Variants in MFAP3L observed in about 807,000 individuals in gnomAD.
MFAP3L encodes the protein microfibril associated protein 3 like.
In MFAP3L, 5 loss-of-function variants were observed where a neutral mutation model predicts 20.0. The observed-to-expected ratio is 0.25, with a 90% CI of 0.13 to 0.53. MFAP3L has a LOEUF of 0.53. Among genes scored for constraint, MFAP3L ranks in the 20% least tolerant of loss-of-function variants. The probability of loss-of-function intolerance (pLI) is 0.96; values close to 1 mark genes in which losing one functional copy is unlikely to be tolerated. For synonymous variants in MFAP3L, 219 were observed against 213.0 expected, an observed-to-expected ratio of 1.03 and a Z score of -0.25; for missense variants, 409 against 527.5, an observed-to-expected ratio of 0.78 and a Z score of 2.20.
At chr4:169,998,520 C>A (rs1359752823) in intron 2 of MFAP3L, among the ~76,000 whole-genome samples, 3 of 152,136 alleles carry the variant, frequency 2.0e-5, no homozygotes, top group Non-Finnish European at 2.9e-5. Flanking sequence ...TCTACTGAAA[C>A]CTTAAATCTT....
chr4:170,018,965 C>T (rs193049388), intron 1 of MFAP3L, among the ~76,000 whole-genome samples: 3 of 152,300 alleles, frequency 2.0e-5, no homozygotes, highest in East Asian at 1.9e-4. Context: ...GAAGCAAGAA[C>T]GCTCACTGGT....
chr4:170,007,144 ATTT>A (rs994851612), intron 1 of MFAP3L, among the ~76,000 whole-genome samples: 2 of 151,962 alleles, frequency 1.3e-5, no homozygotes, highest in African/African-American at 4.8e-5. Flanking sequence ...TTCAGATCAT[ATTT>A]TTTTTCAGTA....
chr4:170,002,932 T>C (rs1335440631), intron 2 of MFAP3L, among the ~76,000 whole-genome samples: 1 of 151,962 alleles, frequency 6.6e-6, no homozygotes, highest in Non-Finnish European at 1.5e-5. Context: ...TCTATGTCCA[T>C]ATTATAATAT....
At chr4:170,021,458 A>C (rs1202407263) in intron 1 of MFAP3L, among the ~76,000 whole-genome samples, 1 of 152,250 alleles carries the variant, frequency 6.6e-6, no homozygotes, top group African/African-American at 2.4e-5. Flanking sequence ...TAAAAATCTT[A>C]TCAAGTCATA....
chr4:170,004,612 C>T (rs148224561), intron 2 of MFAP3L, among the ~76,000 whole-genome samples: 6 of 152,248 alleles, frequency 3.9e-5, no homozygotes, highest in Admixed American at 3.3e-4. Context: ...AGGAGATATA[C>T]AGCATTAGCC....
In MFAP3L at chr4:169,991,921, C is replaced by T. The variant is rs1245896943; in HGVS notation, c.687G>A (p.Glu229=). 12 of 1,614,158 alleles carry T rather than the reference C, an allele frequency of 7.4e-6. No homozygotes were observed. The highest frequency in any genetic ancestry group is 1.1e-5 in the South Asian group (1 of 91,070). The stretch of plus-strand genomic sequence containing the variant: ...CAAGCTCTTCGATGTAGCGGGCGAA[C>T]TCCATGGTTTTGAACTGGGTGACTT... ...LAKVTQFKTM[E]FARYIEELAR... Residue 229 remains glutamate, a synonymous_variant, in exon 3 of 3, where the codon GAG becomes GAA. Transcript: ENST00000361618. This position sits in a 1 kb window ranked among gnomAD's most constrained non-coding sequence, Gnocchi z 4.9.
At chr4:170,025,936 G>T (rs1037718566) in intron 1 of MFAP3L, among the ~76,000 whole-genome samples, 9 of 152,154 alleles carry the variant, frequency 5.9e-5, no homozygotes, top group African/African-American at 2.2e-4. Context: ...GAGGCTCGCC[G>T]GCAGCTGGCA....
At chr4:170,013,707 T>C (rs1268116045) in intron 1 of MFAP3L, among the ~76,000 whole-genome samples, 1 of 152,246 alleles carries the variant, frequency 6.6e-6, no homozygotes, top group East Asian at 1.9e-4. Flanking sequence ...AAACATGCAG[T>C]GCAGGCTATT....
rs1382299129 is a variant in MFAP3L at position 169,990,783 on chromosome 4, C to T, written c.*595G>A. The T allele has an allele frequency of 6.6e-6, 1 of 152,566 alleles. No homozygotes were observed. Among genetic ancestry groups the T allele is most frequent in the Admixed American group, 6.5e-5 (1 of 15,284 alleles). The allele number at this position is 152,566 out of a possible 1,614,324, so 9.5% of individuals were successfully genotyped here. On this transcript the variant is annotated 3_prime_UTR_variant, in exon 3 of 3. Transcript: ENST00000361618. Reference sequence around the variant, plus strand: ...TTGGAACATGACAAATGTAATGTGACTTGTAGATATCAGCCCTGGTACTGG... The same window carrying T: ...TTGGAACATGACAAATGTAATGTGATTTGTAGATATCAGCCCTGGTACTGG...
chr4:169,987,147 AT>A lies in MFAP3L; in HGVS notation c.*4230del, dbSNP rs897996150. 2 of 152,112 alleles carry A rather than the reference AT, an allele frequency of 1.3e-5. No individual in the cohort carries two copies. The highest frequency in any genetic ancestry group is 4.8e-5 in the African/African-American group (2 of 41,442). 9.4% of individuals were successfully genotyped at this position (152,112 alleles called of 1,614,324 possible). Reference sequence around the variant, plus strand: ...ATATAATAAGCAATTGTTTTATTTGATTTTTCCCCCACAATTGATTTGTGTA... The same window carrying A: ...ATATAATAAGCAATTGTTTTATTTGATTTTCCCCCACAATTGATTTGTGTA... On this transcript the variant is annotated 3_prime_UTR_variant, in exon 3 of 3. Coordinates refer to ENST00000361618, the MANE Select transcript of MFAP3L (RefSeq NM_021647.8).
intron 1 of MFAP3L, among the ~76,000 whole-genome samples, chr4:170,024,687 A>T (rs1395649866): frequency 1.3e-5 from 2 of 152,212 alleles, no homozygotes; most frequent in Non-Finnish European, 2.9e-5. Flanking sequence ...AATGGTAATC[A>T]TGTTGTTGCT....
intron 2 of MFAP3L, among the ~76,000 whole-genome samples, chr4:169,995,329 C>G (rs1172155358): frequency 6.6e-6 from 1 of 152,202 alleles, no homozygotes; most frequent in Non-Finnish European, 1.5e-5. Context: ...TCCCCCACCC[C>G]CTTTTTTGTA....
rs1219784613 is a variant in MFAP3L at position 169,987,647 on chromosome 4, A to C, written c.*3731T>G. The C allele has an allele frequency of 6.6e-6, 1 of 152,170 alleles. No individual in the cohort carries two copies. The highest frequency in any genetic ancestry group is 2.4e-5 in the African/African-American group (1 of 41,432). The allele number at this position is 152,170 out of a possible 1,614,324, so 9.4% of individuals were successfully genotyped here. The stretch of plus-strand genomic sequence containing the variant: ...AATTGGTGTTTCTACAGTCAAGTTA[A>C]TTTGTGTTGGCTGCACGGGGCTTAG... On this transcript the variant is annotated 3_prime_UTR_variant, in exon 3 of 3. Coordinates refer to ENST00000361618, the MANE Select transcript of MFAP3L (RefSeq NM_021647.8).
chr4:170,011,412 C>T (rs1402254147), intron 1 of MFAP3L, among the ~76,000 whole-genome samples: 1 of 151,890 alleles, frequency 6.6e-6, no homozygotes, highest in Admixed American at 6.6e-5. Flanking sequence ...CCCTTTCTTG[C>T]CCTTTCTTGT....
chr4:169,998,653 T>C (rs913314422), intron 2 of MFAP3L, among the ~76,000 whole-genome samples: 6 of 152,222 alleles, frequency 3.9e-5, no homozygotes, highest in Non-Finnish European at 5.9e-5. Context: ...TTTTTATGAA[T>C]GCGTGTGTGT....
At chr4:170,004,984 A>T (rs1240567490) in intron 2 of MFAP3L, 1 of 152,560 alleles carries the variant, frequency 6.6e-6, no homozygotes, top group African/African-American at 2.4e-5. Context: ...GAGGTGACTC[A>T]CACTTTTTGG....
At chr4:170,012,947 A>G (rs1021046319) in intron 1 of MFAP3L, among the ~76,000 whole-genome samples, 6 of 152,084 alleles carry the variant, frequency 3.9e-5, no homozygotes, top group African/African-American at 1.4e-4. Flanking sequence ...ACAGAATTTT[A>G]TTTTATGCTG....
chr4:170,017,756 C>T (rs918576822), intron 1 of MFAP3L, among the ~76,000 whole-genome samples: 5 of 152,206 alleles, frequency 3.3e-5, no homozygotes, highest in Non-Finnish European at 7.3e-5. Flanking sequence ...AGTGTCACAA[C>T]ACGGCAAATT....
intron 2 of MFAP3L, chr4:170,003,801 T>C: frequency 2.0e-6 from 2 of 985,436 alleles, no homozygotes; most frequent in Non-Finnish European, 2.4e-6. Flanking sequence ...TGGCCTGCAG[T>C]GTCTTTGTTA....
Sources: gnomAD v4.1 joint callset for allele counts (sites outside exome capture counted in the v4.1 genomes callset) on GRCh38, gnomAD v4.1.1 for gene constraint, Gnocchi (gnomAD v3.1) non-coding constraint, MANE v1.5 for transcripts, NCBI Gene and HGNC (gene_info 2026-07-23, HGNC 2026-07-21) for gene names.